The following PRR18 variants were observed in gnomAD, a reference collection of about 807,000 sequenced individuals.
The protein encoded by PRR18 is proline rich 18.
For missense variants in PRR18, 517 were observed against 437.4 expected, an observed-to-expected ratio of 1.18 and a Z score of -1.62; for synonymous variants, 228 against 220.2, an observed-to-expected ratio of 1.04 and a Z score of -0.32.
In PRR18 at chr6:166,308,012, A is replaced by G; in HGVS notation, c.131T>C (p.Leu44Pro). 1.6e-6 allele frequency: 2 copies of G among 1,238,876 alleles called. No homozygotes were observed. The highest frequency in any genetic ancestry group is 2.0e-6 in the Non-Finnish European group (2 of 984,658). 76.7% of individuals were successfully genotyped at this position (1,238,876 alleles called of 1,614,324 possible). A position where few individuals can be genotyped will look rare whatever the true frequency, so the allele number is the denominator to read the frequency against. ...CGTGGCGGAGGGCCAGGAGCTGGAG[A>G]GGAGCCCCTCGGGCCGCTGTGGGGG... The part of the protein sequence containing the change: ...KRPPQRPEGL[L>P]SSSWPSATLK... Residue 44 changes from leucine (L) to proline (P), a missense_variant, in exon 1 of 1, where the codon CTC becomes CCC. Leu to Pro is a moderately conservative substitution (Grantham distance 98, BLOSUM62 -3). Transcript: ENST00000322583.
At position 166,307,263 on chromosome 6, in the gene PRR18, T is replaced by G. The variant is rs1213424359; in HGVS notation, c.880A>C (p.Thr294Pro). 4 of 1,497,932 alleles carry G rather than the reference T, an allele frequency of 2.7e-6. No homozygotes were observed. Among genetic ancestry groups the G allele is most frequent in the Non-Finnish European group, 3.5e-6 (4 of 1,131,894 alleles). 92.8% of individuals were successfully genotyped at this position (1,497,932 alleles called of 1,614,324 possible). Reference sequence around the variant, plus strand: ...CCGCAGGCCCGCTGGGCTCACAGCGTGCTCAGGTGCCGCCGTGAGTCCAGG... The same window carrying G: ...CCGCAGGCCCGCTGGGCTCACAGCGGGCTCAGGTGCCGCCGTGAGTCCAGG... ...GALDSRRHLS[T>P]L The change falls in exon 1 of 1, where the codon ACG becomes CCG. Residue 294 changes from threonine (T) to proline (P), a missense_variant. Transcript: ENST00000322583.
At position 166,307,474 on chromosome 6, in the gene PRR18, C is replaced by G. The variant is rs1778117133; in HGVS notation, c.669G>C (p.Gln223His). The G allele has an allele frequency of 4.1e-6, 6 of 1,477,512 alleles. No individual in the cohort carries two copies. Among genetic ancestry groups the G allele is most frequent in the Non-Finnish European group, 5.4e-6 (6 of 1,119,228 alleles). 91.5% of individuals were successfully genotyped at this position (1,477,512 alleles called of 1,614,324 possible). A position where few individuals can be genotyped will look rare whatever the true frequency, so the allele number is the denominator to read the frequency against. Residue 223 changes from glutamine (Q) to histidine (H), a missense_variant, in exon 1 of 1, where the codon CAG becomes CAC. By Grantham distance (24) the Gln-to-His change is conservative. Coordinates refer to ENST00000322583, the MANE Select transcript of PRR18 (RefSeq NM_175922.4). ...GCAGGGCCCCGGGCCGCGGGCTGAG[C>G]TGGGGAACCTGCAGGCCGCCGTGCA... ...QLLHGGLQVP[Q>H]LSPRPGALRP...
rs1235757890 is a variant in PRR18, at chr6:166,306,676, C to T, written c.*579G>A. The T allele has an allele frequency of 6.6e-6, 1 of 152,328 alleles. No individual in the cohort carries two copies. The highest frequency in any genetic ancestry group is 1.5e-5 in the Non-Finnish European group (1 of 68,106). The allele number at this position is 152,328 out of a possible 1,614,324, so 9.4% of individuals were successfully genotyped here. A position where few individuals can be genotyped will look rare whatever the true frequency, so the allele number is the denominator to read the frequency against. The stretch of plus-strand genomic sequence containing the variant: ...AACTGAGTTTCAGGGATGTCTAATA[C>T]CCTCAACATTTTTCTGACTTGGGAG... On this transcript the variant is annotated 3_prime_UTR_variant, in exon 1 of 1. Transcript: ENST00000322583.
chr6:166,307,774 C>T lies in PRR18; in HGVS notation c.369G>A (p.Ser123=), dbSNP rs544192282. 1.9e-5 allele frequency: 28 copies of T among 1,484,514 alleles called. No individual in the cohort carries two copies. The highest frequency in any genetic ancestry group is 3.7e-4 in the Middle Eastern group (2 of 5,402). The allele number at this position is 1,484,514 out of a possible 1,614,324, so 92.0% of individuals were successfully genotyped here. A position where few individuals can be genotyped will look rare whatever the true frequency, so the allele number is the denominator to read the frequency against. Residue 123 remains serine (S), a synonymous_variant, in exon 1 of 1, where the codon TCG becomes TCA. Coordinates refer to ENST00000322583, the MANE Select transcript of PRR18 (RefSeq NM_175922.4). The part of the protein sequence containing the change: ...GTGTTAAGTS[S]GAGPCPDSAA... ...CGGAGTCTGGACAAGGCCCCGCCCC[C>T]GAGGAGGTGCCCGCGGCGGTGGTCC...
rs938238432 is a variant in PRR18 at position 166,307,055 on chromosome 6, G to A, written c.*200C>T. On this transcript the variant is annotated 3_prime_UTR_variant, in exon 1 of 1. Coordinates refer to ENST00000322583, the MANE Select transcript of PRR18 (RefSeq NM_175922.4). ...ACGAGAAAGGCCCGGGCTGCCGGCT[G>A]GCGAGGGCAGGAGGGGGGCCGTGGC... 4.0e-6 allele frequency: 2 copies of A among 497,948 alleles called. No individual in the cohort carries two copies. The highest frequency in any genetic ancestry group is 6.7e-6 in the Non-Finnish European group (2 of 298,226). The allele number at this position is 497,948 out of a possible 1,614,324, so 30.8% of individuals were successfully genotyped here.
rs1778138341 is a variant in PRR18 at position 166,308,085 on chromosome 6, G to T, written c.58C>A (p.Arg20Ser). The T allele has an allele frequency of 8.1e-7, 1 of 1,235,446 alleles. No homozygotes were observed. Among genetic ancestry groups the T allele is most frequent in the Non-Finnish European group, 1.0e-6 (1 of 986,230 alleles). The allele number at this position is 1,235,446 out of a possible 1,614,324, so 76.5% of individuals were successfully genotyped here. Residue 20 changes from arginine to serine, a missense_variant, in exon 1 of 1, where the codon CGC (arginine) becomes AGC (serine). Arg to Ser is a moderately radical substitution (Grantham distance 110, BLOSUM62 -1). Transcript: ENST00000322583. ...GCGCAGGGCCTCCGGGGTAACTGGC[G>T]CGCGGCTTGGGCCCCCGGGGCGGGG... Reference protein sequence around the residue: ...PAPAPGAQAARQLPRRPCAAG... With the variant: ...PAPAPGAQAASQLPRRPCAAG...
At position 166,308,003 on chromosome 6, in the gene PRR18, G is replaced by A; in HGVS notation, c.140C>T (p.Ser47Phe). 8 of 1,239,206 alleles carry A rather than the reference G, an allele frequency of 6.5e-6. No individual in the cohort carries two copies. The highest frequency in any genetic ancestry group is 8.1e-6 in the Non-Finnish European group (8 of 984,764). 76.8% of individuals were successfully genotyped at this position (1,239,206 alleles called of 1,614,324 possible). The change falls in exon 1 of 1, where the codon TCC becomes TTC. Residue 47 changes from serine (S) to phenylalanine (F), a missense_variant. Physicochemically the swap from Ser to Phe is radical, Grantham distance 155. Transcript: ENST00000322583. The stretch of plus-strand genomic sequence containing the variant: ...CCTCTTGAGCGTGGCGGAGGGCCAG[G>A]AGCTGGAGAGGAGCCCCTCGGGCCG... Reference protein sequence around the residue: ...PQRPEGLLSSSWPSATLKRPP... With the variant: ...PQRPEGLLSSFWPSATLKRPP...
At position 166,305,843 on chromosome 6, in the gene PRR18, T is replaced by A. The variant is rs530499303; in HGVS notation, c.*1412A>T. The A allele has an allele frequency of 1.4e-4, 21 of 152,356 alleles. No homozygotes were observed. Among genetic ancestry groups the A allele is most frequent in the African/African-American group, 4.6e-4 (19 of 41,570 alleles). The allele number at this position is 152,356 out of a possible 1,614,324, so 9.4% of individuals were successfully genotyped here. Reference sequence around the variant, plus strand: ...GCACTAAGTGCAAGACGAGACCAAGTTGAGCCACTCCTGCCCTCGGCTCGG... The same window carrying A: ...GCACTAAGTGCAAGACGAGACCAAGATGAGCCACTCCTGCCCTCGGCTCGG... On this transcript the variant is annotated 3_prime_UTR_variant, in exon 1 of 1. Transcript: ENST00000322583.
chr6:166,306,997 G>C lies in PRR18; in HGVS notation c.*258C>G, dbSNP rs1249670882. ...AAGAGGAGGCCAGAGTGGGGGCAGA[G>C]GCAGGCATCTGGGGTAGATACCACC... On this transcript the variant is annotated 3_prime_UTR_variant, in exon 1 of 1. Coordinates refer to ENST00000322583, the MANE Select transcript of PRR18 (RefSeq NM_175922.4). 2.4e-6 allele frequency: 1 copy of C among 408,552 alleles called. No homozygotes were observed. 25.3% of individuals were successfully genotyped at this position (408,552 alleles called of 1,614,324 possible). A position where few individuals can be genotyped will look rare whatever the true frequency, so the allele number is the denominator to read the frequency against.
chr6:166,307,291 C>A lies in PRR18; in HGVS notation c.852G>T (p.Gly284=). The A allele has an allele frequency of 6.6e-7, 1 of 1,525,098 alleles. No homozygotes were observed. The allele number at this position is 1,525,098 out of a possible 1,614,324, so 94.5% of individuals were successfully genotyped here. A position where few individuals can be genotyped will look rare whatever the true frequency, so the allele number is the denominator to read the frequency against. The part of the protein sequence containing the change: ...ESAAAARGRA[G]ALDSRRHLST... The stretch of plus-strand genomic sequence containing the variant: ...TCAGGTGCCGCCGTGAGTCCAGGGC[C>A]CCCGCCCGGCCCCGCGCGGCAGCCG... Residue 284 remains glycine (G), a synonymous_variant, in exon 1 of 1, where the codon GGG becomes GGT. Transcript: ENST00000322583.
rs559766878 is a variant in PRR18, at chr6:166,306,813, G to A, written c.*442C>T. 4.4e-3 allele frequency: 716 copies of A among 162,314 alleles called. 2 individuals carry two copies. The highest frequency in any genetic ancestry group is 0.01 in the South Asian group (53 of 5,076). 10.1% of individuals were successfully genotyped at this position (162,314 alleles called of 1,614,324 possible). ...CTGTCCAGGGTGCCCGGCGCCGGCT[G>A]AGGGTGACACCACGGGGCGTGCAGA... On this transcript the variant is annotated 3_prime_UTR_variant, in exon 1 of 1. Coordinates refer to ENST00000322583, the MANE Select transcript of PRR18 (RefSeq NM_175922.4).
Position 166,307,190 on chromosome 6 carries a change from C to A in PRR18, c.*65G>T, listed in dbSNP as rs1273251826. On this transcript the variant is annotated 3_prime_UTR_variant, in exon 1 of 1. Transcript: ENST00000322583. ...GCGGTCTCCCCCGAGGGCCCCTAGGCGGAGTGGCGCGTGCAGGAAGTGAGG... is the reference window on the plus strand; with the variant it reads ...GCGGTCTCCCCCGAGGGCCCCTAGGAGGAGTGGCGCGTGCAGGAAGTGAGG... 2 of 1,331,684 alleles carry A rather than the reference C, an allele frequency of 1.5e-6. No homozygotes were observed. The highest frequency in any genetic ancestry group is 1.9e-6 in the Non-Finnish European group (2 of 1,037,906). 82.5% of individuals were successfully genotyped at this position (1,331,684 alleles called of 1,614,324 possible).
rs1778104960 is a variant in PRR18, at chr6:166,306,984, G to C, written c.*271C>G. 2 of 396,656 alleles carry C rather than the reference G, an allele frequency of 5.0e-6. No individual in the cohort carries two copies. Among genetic ancestry groups the C allele is most frequent in the East Asian group, 7.6e-5 (2 of 26,432 alleles). 24.6% of individuals were successfully genotyped at this position (396,656 alleles called of 1,614,324 possible). On this transcript the variant is annotated 3_prime_UTR_variant, in exon 1 of 1. Transcript: ENST00000322583. ...GCTCGGCGATGCCAAGAGGAGGCCA[G>C]AGTGGGGGCAGAGGCAGGCATCTGG...
In PRR18 at chr6:166,305,908, G is replaced by C. The variant is rs1415400099; in HGVS notation, c.*1347C>G. On this transcript the variant is annotated 3_prime_UTR_variant, in exon 1 of 1. Transcript: ENST00000322583. ...TGCTCCACCCTCTCAGCTCCAGACC[G>C]TGTGCCCTGCCCAGGACGGCGCACT... 1 of 152,220 alleles carries C rather than the reference G, an allele frequency of 6.6e-6. No individual in the cohort carries two copies. Among genetic ancestry groups the C allele is most frequent in the African/African-American group, 2.4e-5 (1 of 41,446 alleles). The allele number at this position is 152,220 out of a possible 1,614,324, so 9.4% of individuals were successfully genotyped here.
rs774441320 is a variant in PRR18 at position 166,307,805 on chromosome 6, CCCG to C, written c.335_337del (p.Ala112del). On this transcript the variant is annotated inframe_deletion, in exon 1 of 1. Coordinates refer to ENST00000322583, the MANE Select transcript of PRR18 (RefSeq NM_175922.4). ...GGTGCCCGCGGCGGTGGTCCCCGTCCCCGCCGAGGTCGCCGCATAGGTGGTCCT... is the reference window on the plus strand; with the variant it reads ...GGTGCCCGCGGCGGTGGTCCCCGTCCCCGAGGTCGCCGCATAGGTGGTCCT... The C allele has an allele frequency of 3.4e-5, 49 of 1,429,078 alleles. No individual in the cohort carries two copies. Among genetic ancestry groups the C allele is most frequent in the Non-Finnish European group, 4.5e-5 (49 of 1,082,304 alleles). The allele number at this position is 1,429,078 out of a possible 1,614,324, so 88.5% of individuals were successfully genotyped here.
Position 166,307,322 on chromosome 6 carries a change from T to C in PRR18, c.821A>G (p.Glu274Gly), listed in dbSNP as rs776929217. 1.9e-6 allele frequency: 3 copies of C among 1,558,676 alleles called. No homozygotes were observed. Among genetic ancestry groups the C allele is most frequent in the Admixed American group, 3.6e-5 (2 of 55,302 alleles). The stretch of plus-strand genomic sequence containing the variant: ...CCGGCCCCGCGCGGCAGCCGCGGAC[T>C]CCACGCCGCGCAGCCACTCCGTGCA... ...RKCTEWLRGV[E>G]SAAAARGRAG... is the part of the protein sequence containing the mutation. Residue 274 changes from glutamate to glycine, a missense_variant, in exon 1 of 1, where the codon GAG becomes GGG. Physicochemically the swap from Glu to Gly is moderately conservative, Grantham distance 98. Coordinates refer to ENST00000322583, the MANE Select transcript of PRR18 (RefSeq NM_175922.4).
Position 166,307,979 on chromosome 6 carries a change from C to T in PRR18, c.164G>A (p.Arg55Lys). 8.1e-7 allele frequency: 1 copy of T among 1,236,334 alleles called. No homozygotes were observed. Among genetic ancestry groups the T allele is most frequent in the Non-Finnish European group, 1.0e-6 (1 of 983,546 alleles). The allele number at this position is 1,236,334 out of a possible 1,614,324, so 76.6% of individuals were successfully genotyped here. A position where few individuals can be genotyped will look rare whatever the true frequency, so the allele number is the denominator to read the frequency against. ...SSSWPSATLKRPPARRGPGLD... is the reference protein window; with the variant it reads ...SSSWPSATLKKPPARRGPGLD... ...GCCGGGGCCGCGCCGGGCCGGCGGCCTCTTGAGCGTGGCGGAGGGCCAGGA... is the reference window on the plus strand; with the variant it reads ...GCCGGGGCCGCGCCGGGCCGGCGGCTTCTTGAGCGTGGCGGAGGGCCAGGA... The change falls in exon 1 of 1, where the codon AGG becomes AAG. Residue 55 changes from arginine to lysine, a missense_variant. Arg to Lys is a conservative substitution (Grantham distance 26). Transcript: ENST00000322583.
chr6:166,307,832 C>G lies in PRR18; in HGVS notation c.311G>C (p.Arg104Thr). 1 of 1,334,194 alleles carries G rather than the reference C, an allele frequency of 7.5e-7. No homozygotes were observed. Among genetic ancestry groups the G allele is most frequent in the Admixed American group, 3.1e-5 (1 of 31,886 alleles). The allele number at this position is 1,334,194 out of a possible 1,614,324, so 82.6% of individuals were successfully genotyped here. A position where few individuals can be genotyped will look rare whatever the true frequency, so the allele number is the denominator to read the frequency against. ...RPAGSGHSPA[R>T]TTYAATSAGT... is the part of the protein sequence containing the mutation. ...CGCCGAGGTCGCCGCATAGGTGGTC[C>G]TCGCTGGGCTGTGGCCGGAGCCTGC... The change falls in exon 1 of 1, where the codon AGG (arginine) becomes ACG (threonine). Residue 104 changes from arginine to threonine, a missense_variant. Physicochemically the swap from Arg to Thr is moderately conservative, Grantham distance 71. Transcript: ENST00000322583.
chr6:166,308,100 C>T lies in PRR18; in HGVS notation c.43G>A (p.Gly15Arg). 1 of 1,233,312 alleles carries T rather than the reference C, an allele frequency of 8.1e-7. No individual in the cohort carries two copies. Among genetic ancestry groups the T allele is most frequent in the Non-Finnish European group, 1.0e-6 (1 of 986,110 alleles). The allele number at this position is 1,233,312 out of a possible 1,614,324, so 76.4% of individuals were successfully genotyped here. Residue 15 changes from glycine to arginine, a missense_variant, in exon 1 of 1, where the codon GGG becomes AGG. Gly to Arg is a moderately radical substitution (Grantham distance 125). Coordinates refer to ENST00000322583, the MANE Select transcript of PRR18 (RefSeq NM_175922.4). ...PMPPPPAPAP[G>R]AQAARQLPRR... ...GGTAACTGGCGCGCGGCTTGGGCCCCCGGGGCGGGGGCGGGCGGCGGCGGC... is the reference window on the plus strand; with the variant it reads ...GGTAACTGGCGCGCGGCTTGGGCCCTCGGGGCGGGGGCGGGCGGCGGCGGC...
Sources: gnomAD v4.1 joint callset for allele counts on GRCh38, gnomAD v4.1.1 for gene constraint, MANE v1.5 for transcripts, NCBI Gene and HGNC (gene_info 2026-07-23, HGNC 2026-07-21) for gene names.